The following CBLB variants were observed in gnomAD, a reference collection of about 807,000 sequenced individuals.
CBLB encodes the protein E3 ubiquitin-protein ligase CBL-B.
CBLB carries 31 observed loss-of-function variants against 104.9 expected under a neutral mutation model. The observed-to-expected ratio is 0.30, with a 90% CI of 0.22 to 0.40. The LOEUF (loss-of-function observed/expected upper bound fraction) is 0.40, where lower values mean the gene tolerates loss of function less well. Ranked by LOEUF, CBLB falls within the 10% of genes least tolerant of loss-of-function variation. CBLB has a pLI of 1.00. For synonymous variants in CBLB, 440 were observed against 422.6 expected (o/e 1.04, Z -0.51); for missense variants, 1,062 against 1,214.6 (o/e 0.87, Z 1.87).
At chr3:105,671,553 A>G (rs1414135941) in intron 17 of CBLB, 1 of 210,534 alleles carries the variant, frequency 4.7e-6, no homozygotes, top group Non-Finnish European at 9.7e-6. Flanking sequence ...AAAATTGTAA[A>G]TATTAAAGAA....
Position 105,681,793 on chromosome 3 carries a change from G to A in CBLB, c.2227C>T (p.Leu743=). 6.2e-7 allele frequency: 1 copy of A among 1,607,188 alleles called. No individual in the cohort carries two copies. Among genetic ancestry groups the A allele is most frequent in the Non-Finnish European group, 8.5e-7 (1 of 1,174,090 alleles). Reference sequence around the variant, plus strand: ...GAAGATGGACCATGTGTTCCATTCAGCATACAGTGACCATTATCACAAGAC... The same window carrying A: ...GAAGATGGACCATGTGTTCCATTCAACATACAGTGACCATTATCACAAGAC... ...VRSCDNGHCM[L]NGTHGPSSEK... Residue 743 remains leucine, a synonymous_variant, in exon 15 of 19, where the codon CTG becomes TTG. Coordinates refer to ENST00000394030, the MANE Select transcript of CBLB (RefSeq NM_170662.5).
At chr3:105,661,647 C>T (rs558421737) in intron 18 of CBLB, among the ~76,000 whole-genome samples, 1 of 152,250 alleles carries the variant, frequency 6.6e-6, no homozygotes, top group East Asian at 1.9e-4. Context: ...TTGAAAAGAA[C>T]AGCTGTGTAT....
intron 9 of CBLB, among the ~76,000 whole-genome samples, chr3:105,729,286 A>G (rs1867428): frequency 0.99 from 150,067 of 152,152 alleles, 74,044 homozygotes; most frequent in East Asian, 1. Flanking sequence ...AACTTCTTGG[A>G]GCTAAGGATT....
intron 13 of CBLB, among the ~76,000 whole-genome samples, chr3:105,692,505 G>C (rs16851455): frequency 0.018 from 2,673 of 152,200 alleles, 73 homozygotes; most frequent in African/African-American, 0.061. Flanking sequence ...TTAGGATAAA[G>C]ATTAGGAAAA....
Position 105,682,141 on chromosome 3 carries a change from T to C in CBLB, c.2202-323A>G, listed in dbSNP as rs115456205. On this transcript the variant is annotated intron_variant, in intron 14 of 18. Coordinates refer to ENST00000394030, the MANE Select transcript of CBLB (RefSeq NM_170662.5). Reference sequence around the variant, plus strand: ...ATTCAATAGAACCTGGTCAAGTTTTTGAAGTAAAAAAAGATGTATGTGCCA... The same window carrying C: ...ATTCAATAGAACCTGGTCAAGTTTTCGAAGTAAAAAAAGATGTATGTGCCA... 8.7e-3 allele frequency: 2,285 copies of C among 262,888 alleles called. 22 individuals are homozygous for C. The highest frequency in any genetic ancestry group is 0.011 in the Non-Finnish European group (1,566 of 137,634). The allele number at this position is 262,888 out of a possible 1,614,324, so 16.3% of individuals were successfully genotyped here.
rs1375699875 is a variant in CBLB at position 105,657,544 on chromosome 3, A to G, written c.*1426T>C. ...ACAGACTTTGTCATAAAAAACACAGAAAAACAAAAATAAAACATTACGCTG... is the reference window on the plus strand; with the variant it reads ...ACAGACTTTGTCATAAAAAACACAGGAAAACAAAAATAAAACATTACGCTG... On this transcript the variant is annotated 3_prime_UTR_variant, in exon 19 of 19. Transcript: ENST00000394030. 2 of 206,378 alleles carry G rather than the reference A, an allele frequency of 9.7e-6. No individual in the cohort carries two copies. The highest frequency in any genetic ancestry group is 1.5e-4 in the East Asian group (2 of 13,544). 12.8% of individuals were successfully genotyped at this position (206,378 alleles called of 1,614,324 possible).
intron 3 of CBLB, among the ~76,000 whole-genome samples, chr3:105,839,956 T>C (rs1472776033): frequency 6.6e-6 from 1 of 152,228 alleles, no homozygotes; most frequent in Admixed American, 6.5e-5. Context: ...ACTTTATCCA[T>C]GCAAACCTAT....
intron 9 of CBLB, among the ~76,000 whole-genome samples, chr3:105,720,700 T>G (rs1015743006): frequency 1.6e-4 from 24 of 152,200 alleles, no homozygotes; most frequent in African/African-American, 5.5e-4. Flanking sequence ...ACAATACTTG[T>G]GCATCTAACT....
chr3:105,682,075 A>C (rs1387803323), intron 14 of CBLB: 1 of 462,656 alleles, frequency 2.2e-6, no homozygotes, highest in African/African-American at 2.0e-5. Flanking sequence ...AATTGTTGAT[A>C]TCCTAAACAC....
intron 3 of CBLB, among the ~76,000 whole-genome samples, chr3:105,782,573 CTTTTCT>C (rs2080395625): frequency 7.4e-6 from 1 of 134,804 alleles, no homozygotes; most frequent in African/African-American, 2.8e-5. Flanking sequence ...GTATTCTTTT[CTTTTCT>C]TTTTTTTTTT....
chr3:105,797,746 T>A (rs1363524534), intron 3 of CBLB, among the ~76,000 whole-genome samples: 1 of 152,240 alleles, frequency 6.6e-6, no homozygotes, highest in African/African-American at 2.4e-5. Flanking sequence ...TAGACTTGAT[T>A]TAAGTTTGTA....
intron 3 of CBLB, among the ~76,000 whole-genome samples, chr3:105,822,209 T>G (rs2085967818): frequency 6.6e-6 from 1 of 152,094 alleles, no homozygotes; most frequent in Non-Finnish European, 1.5e-5. Context: ...AAATTACACT[T>G]TTGAATGGGA....
rs1258987750 is a variant in CBLB, at chr3:105,789,863, A to G, written c.420-13321T>C. Among the ~76,000 whole-genome samples, 3 of 152,284 alleles carry G rather than the reference A, an allele frequency of 2.0e-5. No individual in the cohort carries two copies. In the East Asian group the frequency reaches 5.8e-4, roughly 29 times the overall value. ...AAAGTCAAGCACTATTAATAATCCT[A>G]CTTATTAACACTAAAGATACATACT... On this transcript the variant is annotated intron_variant, in intron 3 of 18. Coordinates refer to ENST00000394030, the MANE Select transcript of CBLB (RefSeq NM_170662.5).
At position 105,702,142 on chromosome 3, in the gene CBLB, C is replaced by T. The variant is rs1366213328; in HGVS notation, c.1911G>A (p.Val637=). 1 of 1,614,152 alleles carries T rather than the reference C, an allele frequency of 6.2e-7. No homozygotes were observed. The highest frequency in any genetic ancestry group is 8.5e-7 in the Non-Finnish European group (1 of 1,180,018). The stretch of plus-strand genomic sequence containing the variant: ...CATGGCGTCTGTGTTTCCGCATAAG[C>T]ACTGGGTCAGAGCCCACTCTACTGT... ...GRHSRVGSDP[V]LMRKHRRHDL... The change falls in exon 12 of 19, where the codon GTG becomes GTA. Residue 637 remains valine (V), a synonymous_variant. Coordinates refer to ENST00000394030, the MANE Select transcript of CBLB (RefSeq NM_170662.5).
chr3:105,849,422 TC>T (rs2090674584), intron 3 of CBLB, among the ~76,000 whole-genome samples: 2 of 151,990 alleles, frequency 1.3e-5, no homozygotes, highest in African/African-American at 4.8e-5. Context: ...TGAACAAAAT[TC>T]ACTTGGACAC....
chr3:105,837,617 A>T (rs909746216), intron 3 of CBLB, among the ~76,000 whole-genome samples: 2 of 152,216 alleles, frequency 1.3e-5, no homozygotes, highest in Non-Finnish European at 2.9e-5. Flanking sequence ...TCCATTAAAG[A>T]AGTACTTGTA....
chr3:105,696,284 G>T (rs951889251), intron 12 of CBLB, among the ~76,000 whole-genome samples: 1 of 151,512 alleles, frequency 6.6e-6, no homozygotes, highest in Admixed American at 6.6e-5. Context: ...TCATGTTTCC[G>T]TTCATCTAAA....
intron 3 of CBLB, among the ~76,000 whole-genome samples, chr3:105,821,550 G>A (rs1267329098): frequency 1.3e-5 from 2 of 152,074 alleles, no homozygotes; most frequent in African/African-American, 4.8e-5. Context: ...TCTTTGCAGG[G>A]CAGGTAGAAA....
At chr3:105,793,424 A>G (rs1455171474) in intron 3 of CBLB, among the ~76,000 whole-genome samples, 2 of 150,814 alleles carry the variant, frequency 1.3e-5, no homozygotes, top group African/African-American at 4.9e-5. Context: ...TGATGGAGGA[A>G]GGTGTTCCTT....
Sources: allele counts gnomAD v4.1 joint callset (sites outside exome capture counted in the v4.1 genomes callset), GRCh38; gene constraint gnomAD v4.1.1; transcripts MANE v1.5; gene names NCBI Gene and HGNC (gene_info 2026-07-23, HGNC 2026-07-21).